The following UNC79 variants were observed in gnomAD, a reference collection of about 807,000 sequenced individuals.
UNC79 encodes unc-79 subunit of NALCN channel complex.
UNC79 carries 37 observed loss-of-function variants against 283.1 expected under a neutral mutation model. The observed-to-expected ratio is 0.13, with a 90% CI of 0.10 to 0.17. The LOEUF is 0.17. UNC79 is among the 10% of genes least tolerant of loss of function. The probability of loss-of-function intolerance (pLI) is 1.00; values close to 1 mark genes in which losing one functional copy is unlikely to be tolerated. For missense variants in UNC79, 2,272 were observed against 3,211.1 expected (o/e 0.71, Z 7.07); for synonymous variants, 1,107 against 1,200.2 (o/e 0.92, Z 1.61).
At chr14:93,379,520 A>G (rs2054623383) in intron 1 of UNC79, among the ~76,000 whole-genome samples, 1 of 152,162 alleles carries the variant, frequency 6.6e-6, no homozygotes, top group Non-Finnish European at 1.5e-5. Flanking sequence ...CTCGTTTGGT[A>G]TATTTCAGAC....
intron 30 of UNC79, among the ~76,000 whole-genome samples, 195 bp from the exon 33 acceptor site, chr14:93,630,606 A>G (rs529999509): frequency 6.6e-6 from 1 of 152,372 alleles, no homozygotes; most frequent in South Asian, 2.1e-4. Flanking sequence ...ATAGGTGCAG[A>G]ATGTCACATA....
At chr14:93,426,503 T>C (rs1175581061), upstream of UNC79, among the ~76,000 whole-genome samples, 3 of 151,458 alleles carry the variant, frequency 2.0e-5, no homozygotes, top group Non-Finnish European at 3.0e-5. Flanking sequence ...TTATATGTTA[T>C]AACTTTTGTT....
At chr14:93,522,191 G>A (rs976863109) in intron 7 of UNC79, among the ~76,000 whole-genome samples, 2 of 152,092 alleles carry the variant, frequency 1.3e-5, no homozygotes, top group African/African-American at 4.8e-5. Flanking sequence ...ACTGTGGCTG[G>A]TGCACACTTC....
intron 47 of UNC79, among the ~76,000 whole-genome samples, chr14:93,704,037 G>A (rs142658861): frequency 1.4e-4 from 22 of 152,354 alleles, no homozygotes; most frequent in Non-Finnish European, 2.6e-4. Context: ...AGGGGTTGAG[G>A]TCCTGTCAGA....
chr14:93,360,034 G>A (rs1330543988), intron 1 of UNC79, among the ~76,000 whole-genome samples: 1 of 152,172 alleles, frequency 6.6e-6, no homozygotes, highest in Non-Finnish European at 1.5e-5. Flanking sequence ...TTAAAGTAGG[G>A]ACTTATGGAG....
chr14:93,381,721 T>C (rs371679887), intron 1 of UNC79, among the ~76,000 whole-genome samples: 1 of 152,132 alleles, frequency 6.6e-6, no homozygotes, highest in African/African-American at 2.4e-5. Context: ...CCAGAAGAGA[T>C]ATATTTGCAT....
intron 20 of UNC79, among the ~76,000 whole-genome samples, chr14:93,583,570 A>G (rs1450159971): frequency 6.6e-6 from 1 of 152,060 alleles, no homozygotes; most frequent in African/African-American, 2.4e-5. Context: ...ATCTCAGCTC[A>G]CACTATTTCA....
intron 5 of UNC79, among the ~76,000 whole-genome samples, 160 bp downstream of exon 5, chr14:93,487,915 T>A (rs2058527771): frequency 6.6e-6 from 1 of 152,244 alleles, no homozygotes; most frequent in African/African-American, 2.4e-5. Flanking sequence ...CCTATTGCTA[T>A]TAGCAGTGAT....
chr14:93,347,070 A>G, intron 1 of UNC79: 1 of 546,686 alleles, frequency 1.8e-6, no homozygotes, highest in Non-Finnish European at 3.2e-6. Context: ...CAGTACAGAG[A>G]AAGGAGTGGT....
chr14:93,706,695 T>C lies in UNC79; in HGVS notation c.7591-9T>C. The C allele has an allele frequency of 6.2e-7, 1 of 1,613,990 alleles. No homozygotes were observed. Among genetic ancestry groups the C allele is most frequent in the Non-Finnish European group, 8.5e-7 (1 of 1,179,874 alleles). The stretch of plus-strand genomic sequence containing the variant: ...AAATAAACTAAAACCTCTTGCCCTT[T>C]TTCGACAGCACTTATCTGCGGGACT... On this transcript the variant is annotated splice_polypyrimidine_tract_variant and intron_variant, in intron 48 of 48. Coordinates refer to ENST00000555664, the Ensembl canonical transcript of UNC79.
chr14:93,336,719 G>C (rs2053584582), intron 1 of UNC79, among the ~76,000 whole-genome samples: 1 of 152,096 alleles, frequency 6.6e-6, no homozygotes, highest in African/African-American at 2.4e-5. Flanking sequence ...CATTGCCTTG[G>C]GGAAGAAAAG....
At chr14:93,668,780 G>C (rs2072493156) in intron 40 of UNC79, among the ~76,000 whole-genome samples, 2 of 150,754 alleles carry the variant, frequency 1.3e-5, no homozygotes, top group African/African-American at 2.4e-5. Context: ...GGAGGTAGAG[G>C]TTGCAGTGAA....
chr14:93,346,912 C>G (rs2053846261), intron 1 of UNC79, among the ~76,000 whole-genome samples: 1 of 151,562 alleles, frequency 6.6e-6, no homozygotes, highest in Admixed American at 6.6e-5. Flanking sequence ...GCAGGGAGCC[C>G]TGAGTGGAAA....
chr14:93,622,191 A>G (rs914068576), exon 30 of UNC79: 1 of 1,614,052 alleles, frequency 6.2e-7, no homozygotes, highest in Non-Finnish European at 8.5e-7. Flanking sequence ...GAGACGATGA[A>G]CCAAGGCGAT....
intron 1 of UNC79, among the ~76,000 whole-genome samples, chr14:93,422,513 C>A (rs2055622380): frequency 6.6e-6 from 1 of 152,206 alleles, no homozygotes; most frequent in African/African-American, 2.4e-5. Context: ...ATGTCTGACC[C>A]CTCCATTCCC....
chr14:93,576,496 G>A (rs1461015107), intron 17 of UNC79, among the ~76,000 whole-genome samples: 1 of 152,218 alleles, frequency 6.6e-6, no homozygotes, highest in Non-Finnish European at 1.5e-5. Flanking sequence ...GTGTTAGTCA[G>A]GGTCCTGATT....
At chr14:93,698,854 G>A (rs1244633608) in intron 47 of UNC79, among the ~76,000 whole-genome samples, 1 of 152,082 alleles carries the variant, frequency 6.6e-6, no homozygotes, top group African/African-American at 2.4e-5. Context: ...TGTAAGTCAA[G>A]ACTTATCAAA....
chr14:93,586,423 T>C (rs1296895399), intron 20 of UNC79, among the ~76,000 whole-genome samples, 173 bp from the exon 21 acceptor site: 1 of 152,194 alleles, frequency 6.6e-6, no homozygotes, highest in Non-Finnish European at 1.5e-5. Flanking sequence ...TTCCTGCACT[T>C]GTATCATAGC....
At chr14:93,568,627 C>T (rs1444171061) in intron 14 of UNC79, among the ~76,000 whole-genome samples, 2 of 152,086 alleles carry the variant, frequency 1.3e-5, no homozygotes, top group Non-Finnish European at 2.9e-5. Context: ...GCCCAGATCA[C>T]ACCATTGCAC....
Sources: gnomAD v4.1 joint callset for allele counts (sites outside exome capture counted in the v4.1 genomes callset) on GRCh38, gnomAD v4.1.1 for gene constraint, MANE v1.5 for transcripts, NCBI Gene and HGNC (gene_info 2026-07-23, HGNC 2026-07-21) for gene names.